FGF14: variants seen among roughly 807,000 people sequenced by gnomAD.
FGF14 encodes fibroblast growth factor 14.
A neutral mutation model predicts 25.5 loss-of-function variants in FGF14; 5 were observed. The observed-to-expected ratio is 0.20, with a 90% CI of 0.10 to 0.41. FGF14 has a LOEUF of 0.41. Among genes scored for constraint, FGF14 ranks in the 10% least tolerant of loss-of-function variants. The pLI, the probability that FGF14 is intolerant of heterozygous loss-of-function variation, is 1.00. For synonymous variants in FGF14, 138 were observed against 118.3 expected (o/e 1.17, Z -1.08); for missense variants, 222 against 320.1 (o/e 0.69, Z 2.34).
In FGF14 at chr13:102,279,683, T is replaced by C. The variant is rs554419008; in HGVS notation, c.208+121788A>G. On this transcript the variant is annotated intron_variant, in intron 1 of 4. Coordinates refer to the FGF14 transcript ENST00000376131. ...AATGCATACTCAATTATATTTTTTCTTTCCTCAGCTTTACTCCCCTTAAAA... is the reference window on the plus strand; with the variant it reads ...AATGCATACTCAATTATATTTTTTCCTTCCTCAGCTTTACTCCCCTTAAAA... Among the ~76,000 whole-genome samples, 3 of 152,296 alleles carry C rather than the reference T, an allele frequency of 2.0e-5. No individual in the cohort carries two copies. In the South Asian group the frequency reaches 6.2e-4, roughly 32 times the overall value.
At chr13:102,058,574 T>G (rs561750979) in intron 1 of FGF14, among the ~76,000 whole-genome samples, 73 of 152,320 alleles carry the variant, frequency 4.8e-4, no homozygotes, top group African/African-American at 1.6e-3. Context: ...TAGACAAATA[T>G]AAAGGGTAAA....
At chr13:101,856,756 A>G (rs949269110) in intron 3 of FGF14, among the ~76,000 whole-genome samples, 6 of 152,016 alleles carry the variant, frequency 3.9e-5, no homozygotes, top group Non-Finnish European at 7.4e-5. Flanking sequence ...GTAATATATC[A>G]TCATGTTACA....
intron 1 of FGF14, among the ~76,000 whole-genome samples, chr13:102,100,985 G>C (rs1207211470): frequency 1.3e-5 from 2 of 152,100 alleles, no homozygotes; most frequent in Non-Finnish European, 2.9e-5. Flanking sequence ...TGTAATCCCA[G>C]TTACTTGGGA....
intron 3 of FGF14, among the ~76,000 whole-genome samples, chr13:101,743,431 A>G (rs1206640997): frequency 1.3e-5 from 2 of 152,142 alleles, no homozygotes; most frequent in African/African-American, 2.4e-5. Context: ...TAATTAATTA[A>G]TTTATTTATT....
At chr13:101,818,317 T>C (rs2041941843) in intron 3 of FGF14, among the ~76,000 whole-genome samples, 1 of 152,240 alleles carries the variant, frequency 6.6e-6, no homozygotes, top group South Asian at 2.1e-4. Context: ...TCAACCATAC[T>C]ATACATTTTG....
At chr13:101,931,897 G>A (rs1457353492) in intron 1 of FGF14, among the ~76,000 whole-genome samples, 1 of 152,182 alleles carries the variant, frequency 6.6e-6, no homozygotes, top group African/African-American at 2.4e-5. Context: ...GAATCCAGCA[G>A]AGCTCCAAAG....
chr13:102,105,214 G>A (rs2044851296), intron 1 of FGF14, among the ~76,000 whole-genome samples: 1 of 152,182 alleles, frequency 6.6e-6, no homozygotes, highest in South Asian at 2.1e-4. Context: ...TCTGCTGATG[G>A]AGGTTAGAGT....
intron 3 of FGF14, among the ~76,000 whole-genome samples, chr13:101,805,146 A>G (rs912155): frequency 0.3 from 45,483 of 151,972 alleles, 7,415 homozygotes; most frequent in Middle Eastern, 0.43. Context: ...GACAGTCTCA[A>G]ATGTTTGCTG....
At chr13:101,820,987 G>A (rs1449494859) in intron 3 of FGF14, among the ~76,000 whole-genome samples, 1 of 145,968 alleles carries the variant, frequency 6.9e-6, no homozygotes, top group Non-Finnish European at 1.5e-5. Context: ...TCTCGCTGTC[G>A]CCCAGGCTGG....
chr13:101,715,465 G>T lies in FGF14; in HGVS notation c.*7366C>A. 1.2e-6 allele frequency: 1 copy of T among 850,948 alleles called. No individual in the cohort carries two copies. Among genetic ancestry groups the T allele is most frequent in the Non-Finnish European group, 2.0e-6 (1 of 497,614 alleles). 52.7% of individuals were successfully genotyped at this position (850,948 alleles called of 1,614,324 possible). A position where few individuals can be genotyped will look rare whatever the true frequency, so the allele number is the denominator to read the frequency against. On this transcript the variant is annotated 3_prime_UTR_variant, in exon 5 of 5. Coordinates refer to ENST00000376143, the MANE Select transcript of FGF14 (RefSeq NM_004115.4). ...ATAAGAAAATCTACCAAGGATGAAT[G>T]AAATGATTTCATTGTGGACACTTGT...
At chr13:102,147,151 A>G (rs965577573) in intron 1 of FGF14, among the ~76,000 whole-genome samples, 4 of 152,222 alleles carry the variant, frequency 2.6e-5, no homozygotes, top group African/African-American at 9.6e-5. Context: ...TATTGAAAAT[A>G]TTTATAGAAA....
intron 1 of FGF14, among the ~76,000 whole-genome samples, chr13:102,069,402 G>A (rs1329579448): frequency 6.6e-6 from 1 of 152,192 alleles, no homozygotes; most frequent in Non-Finnish European, 1.5e-5. Flanking sequence ...AATAAAAGGA[G>A]GCTGCCCGAG....
At chr13:102,081,685 G>C (rs1392967300) in intron 1 of FGF14, among the ~76,000 whole-genome samples, 1 of 152,072 alleles carries the variant, frequency 6.6e-6, no homozygotes, top group Admixed American at 6.6e-5. Context: ...ATTATCTTAT[G>C]TATTTTAATT....
chr13:101,720,694 A>AAAAT lies in FGF14; in HGVS notation c.*2133_*2136dup, dbSNP rs1267680041. ...CATATTATGGGATCTATGTTTTCTGAAAATAATTGGTTAATGGAAGTTATC... is the reference window on the plus strand; with the variant it reads ...CATATTATGGGATCTATGTTTTCTGAAAATAAATAATTGGTTAATGGAAGTTATC... On this transcript the variant is annotated 3_prime_UTR_variant, in exon 5 of 5. Coordinates refer to ENST00000376143, the MANE Select transcript of FGF14 (RefSeq NM_004115.4). The AAAAT allele has an allele frequency of 6.6e-6, 1 of 152,056 alleles. No homozygotes were observed. Among genetic ancestry groups the AAAAT allele is most frequent in the East Asian group, 1.9e-4 (1 of 5,178 alleles). The allele number at this position is 152,056 out of a possible 1,614,324, so 9.4% of individuals were successfully genotyped here.
chr13:102,112,128 T>C (rs1157231137), intron 1 of FGF14, among the ~76,000 whole-genome samples: 11 of 152,240 alleles, frequency 7.2e-5, no homozygotes, highest in Admixed American at 7.2e-4. Flanking sequence ...TTCATACTTA[T>C]TATCTCACTT....
At chr13:101,740,221 A>G (rs1351848425) in intron 3 of FGF14, among the ~76,000 whole-genome samples, 4 of 152,074 alleles carry the variant, frequency 2.6e-5, no homozygotes, top group East Asian at 1.9e-4. Context: ...CTACAACTCA[A>G]TGTCTGAGAG....
chr13:102,132,559 T>C (rs912548187), intron 1 of FGF14, among the ~76,000 whole-genome samples: 15 of 151,238 alleles, frequency 9.9e-5, no homozygotes, highest in Non-Finnish European at 2.2e-4. Flanking sequence ...CTGAGTGCAG[T>C]GGCATGATCT....
chr13:102,225,384 G>T lies in FGF14; in HGVS notation c.208+176087C>A, dbSNP rs114872294. ...CCACTTTTAACTACCCGCTCATTCA[G>T]GGCTAGACCAGGCTAGCCCTCCGGA... On this transcript the variant is annotated intron_variant, in intron 1 of 4. Coordinates refer to the FGF14 transcript ENST00000376131. Among the ~76,000 whole-genome samples, 1,392 of 152,220 alleles carry T rather than the reference G, an allele frequency of 9.1e-3. 20 individuals carry two copies. Among genetic ancestry groups the T allele is most frequent in the African/African-American group, 0.032 (1,325 of 41,532 alleles).
intron 1 of FGF14, among the ~76,000 whole-genome samples, chr13:102,315,086 A>C (rs932645741): frequency 1.2e-4 from 18 of 151,928 alleles, no homozygotes; most frequent in African/African-American, 4.3e-4. Context: ...ATATATGTAC[A>C]AACATGTATA....
Sources: gnomAD v4.1 joint callset for allele counts (sites outside exome capture counted in the v4.1 genomes callset) on GRCh38, gnomAD v4.1.1 for gene constraint, MANE v1.5 for transcripts, NCBI Gene and HGNC (gene_info 2026-07-23, HGNC 2026-07-21) for gene names.